MMP26: variants seen among roughly 807,000 people sequenced by gnomAD.
MMP26 encodes the protein matrix metalloproteinase-26.
In MMP26, 33 loss-of-function variants were observed where a neutral mutation model predicts 31.0. The ratio of observed to expected loss-of-function variants is 1.06; its 90% CI spans 0.81 to 1.42. The LOEUF (loss-of-function observed/expected upper bound fraction) is 1.42. Ranked by LOEUF, MMP26 falls within the 40% of genes most tolerant of loss-of-function variation. The pLI is 0.00. For missense variants in MMP26, 347 were observed against 316.1 expected (o/e 1.10, Z -0.74); for synonymous variants, 122 against 114.9 (o/e 1.06, Z -0.40).
chr11:4,910,135 A>G (rs559417151), intron 2 of MMP26, among the ~76,000 whole-genome samples: 3 of 152,182 alleles, frequency 2.0e-5, no homozygotes, highest in Admixed American at 6.5e-5. Flanking sequence ...TCCTTTCTGG[A>G]GACACAGAGG....
chr11:4,714,243 A>C (rs1469067732), intron 1 of MMP26, among the ~76,000 whole-genome samples: 2 of 152,164 alleles, frequency 1.3e-5, no homozygotes, highest in African/African-American at 4.8e-5. Flanking sequence ...TGCCTAAGGA[A>C]AATTGTGGAA....
chr11:4,838,356 A>AG (rs1849749434), intron 2 of MMP26, among the ~76,000 whole-genome samples: 1 of 132,714 alleles, frequency 7.5e-6, no homozygotes, highest in African/African-American at 2.9e-5. Flanking sequence ...AAAAAAAAAA[A>AG]GTATGATATG....
intron 1 of MMP26, among the ~76,000 whole-genome samples, chr11:4,746,781 C>G (rs2133297206): frequency 6.6e-6 from 1 of 150,724 alleles, no homozygotes; most frequent in South Asian, 2.1e-4. Flanking sequence ...TTGCAGTGAG[C>G]TGAGATTGTG....
chr11:4,986,932 C>CTCTCTCCCTCCCTCTCT (rs1564819722), intron 2 of MMP26, among the ~76,000 whole-genome samples: 1 of 60,408 alleles, frequency 1.7e-5, no homozygotes, highest in Non-Finnish European at 3.1e-5. Context: ...TCTCTCTCTC[C>CTCTCTCCCTCCCTCTCT]CTCTCTCTCT....
intron 2 of MMP26, among the ~76,000 whole-genome samples, chr11:4,823,531 C>G (rs11034086): frequency 0.069 from 10,567 of 152,192 alleles, 511 homozygotes; most frequent in Middle Eastern, 0.14. Context: ...ATCAACTTGT[C>G]TACCAGTCTA....
intron 2 of MMP26, among the ~76,000 whole-genome samples, chr11:4,820,562 T>C (rs1460061797): frequency 6.6e-6 from 1 of 151,806 alleles, no homozygotes; most frequent in Non-Finnish European, 1.5e-5. Context: ...CCTCCTCCTC[T>C]TGCACTTTCC....
chr11:4,900,686 T>C (rs1850787306), intron 2 of MMP26, among the ~76,000 whole-genome samples: 1 of 152,202 alleles, frequency 6.6e-6, no homozygotes, highest in African/African-American at 2.4e-5. Flanking sequence ...TGATCTTTTA[T>C]ATAAAGATCT....
At chr11:4,962,163 G>A (rs1338449708) in intron 2 of MMP26, among the ~76,000 whole-genome samples, 1 of 152,102 alleles carries the variant, frequency 6.6e-6, no homozygotes, top group Admixed American at 6.5e-5. Flanking sequence ...TGTGTAGTGT[G>A]CTCCTTGATA....
chr11:4,848,144 C>T lies in MMP26; in HGVS notation c.-145+80803C>T, dbSNP rs183501302. On this transcript the variant is annotated intron_variant, in intron 2 of 7. Transcript: ENST00000380390. ...ATGCACATATATGCACTTATGTGTA[C>T]GTGAATGATCATTTCATGCTTGGTG... The T allele has an allele frequency of 4.5e-4, 600 of 1,331,700 alleles. 3 individuals are homozygous for T. In the African/African-American group the frequency reaches 7.4e-3, roughly 16 times the overall value. 82.5% of individuals were successfully genotyped at this position (1,331,700 alleles called of 1,614,324 possible).
intron 2 of MMP26, among the ~76,000 whole-genome samples, chr11:4,903,564 C>T (rs1266432708): frequency 6.6e-6 from 1 of 152,090 alleles, no homozygotes. Context: ...GTTTACCTTT[C>T]AGATGAGTAG....
rs137987175 is a variant in MMP26 at position 4,861,394 on chromosome 11, C to T, written c.-145+94053C>T. Among the ~76,000 whole-genome samples, 423 of 150,342 alleles carry T rather than the reference C, an allele frequency of 2.8e-3. 8 individuals carry two copies. The highest frequency in any genetic ancestry group is 9.4e-3 in the African/African-American group (385 of 41,026). On this transcript the variant is annotated intron_variant, in intron 2 of 7. Transcript: ENST00000380390. ...GATAGGTACTCTATATATATACATACGCATAAATGTATTAGGTTGGTGCAA... is the reference window on the plus strand; with the variant it reads ...GATAGGTACTCTATATATATACATATGCATAAATGTATTAGGTTGGTGCAA...
chr11:4,844,800 A>G (rs755524911), intron 2 of MMP26, among the ~76,000 whole-genome samples: 21 of 152,316 alleles, frequency 1.4e-4, no homozygotes, highest in Admixed American at 7.2e-4. Context: ...CACAACTAGT[A>G]TCACACTGAG....
At chr11:4,938,455 G>GA (rs575523956) in intron 2 of MMP26, among the ~76,000 whole-genome samples, 365 of 134,542 alleles carry the variant, frequency 2.7e-3, no homozygotes, top group Admixed American at 4.4e-3. Flanking sequence ...AGTTCAGACT[G>GA]AAAAAAAAAA....
Position 4,871,051 on chromosome 11 carries a change from C to G in MMP26, c.-145+103710C>G, listed in dbSNP as rs1275832298. Among the ~76,000 whole-genome samples, 9 of 152,028 alleles carry G rather than the reference C, an allele frequency of 5.9e-5. No homozygotes were observed. The East Asian group carries it at 1.7e-3, about 29-fold the overall frequency. On this transcript the variant is annotated intron_variant, in intron 2 of 7. Coordinates refer to ENST00000380390, the MANE Select transcript of MMP26 (RefSeq NM_021801.5). ...TATAAATTAAAGTAGGAGGAAACAT[C>G]AAGCAAACATGATTTGAGAGAAACC...
At chr11:4,734,085 T>C (rs1013908381) in intron 1 of MMP26, among the ~76,000 whole-genome samples, 4 of 152,180 alleles carry the variant, frequency 2.6e-5, no homozygotes, top group African/African-American at 9.6e-5. Flanking sequence ...TAATTGATGA[T>C]GTTTTCATCT....
intron 2 of MMP26, among the ~76,000 whole-genome samples, chr11:4,941,618 T>C (rs182152817): frequency 1.3e-5 from 2 of 152,336 alleles, no homozygotes; most frequent in Admixed American, 1.3e-4. Context: ...GTGATTCTTA[T>C]GCTGGTCATC....
At chr11:4,767,031 A>G (rs1848641415) in intron 1 of MMP26, among the ~76,000 whole-genome samples, 1 of 152,176 alleles carries the variant, frequency 6.6e-6, no homozygotes, top group South Asian at 2.1e-4. Flanking sequence ...AACTAAATCG[A>G]TAAACAAATT....
At chr11:4,793,848 A>G (rs558938614) in intron 2 of MMP26, 1 of 152,284 alleles carries the variant, frequency 6.6e-6, no homozygotes, top group Admixed American at 6.5e-5. Context: ...GATGGTATTG[A>G]ACATGGAAGG....
intron 2 of MMP26, among the ~76,000 whole-genome samples, chr11:4,881,301 A>T (rs1850458994): frequency 6.6e-6 from 1 of 152,086 alleles, no homozygotes; most frequent in African/African-American, 2.4e-5. Flanking sequence ...CCTTTATGAG[A>T]TATCATTCCA....
Sources: gnomAD v4.1 joint callset for allele counts (sites outside exome capture counted in the v4.1 genomes callset) on GRCh38, gnomAD v4.1.1 for gene constraint, MANE v1.5 for transcripts, NCBI Gene and HGNC (gene_info 2026-07-23, HGNC 2026-07-21) for gene names.